Variants in SORCS2 observed in about 807,000 individuals in gnomAD.
SORCS2 encodes VPS10 domain-containing receptor SorCS2.
SORCS2 carries 100 observed loss-of-function variants against 141.6 expected under a neutral mutation model. That is an observed-to-expected ratio of 0.71 (90% CI 0.60 to 0.83). The LOEUF is 0.83. Ranked by LOEUF, SORCS2 falls within the 40% of genes least tolerant of loss-of-function variation. SORCS2 has a pLI of 0.00. For synonymous variants in SORCS2, 789 were observed against 676.9 expected, an observed-to-expected ratio of 1.17 and a Z score of -2.57; for missense variants, 1,646 against 1,560.2, an observed-to-expected ratio of 1.05 and a Z score of -0.93.
intron 1 of SORCS2, among the ~76,000 whole-genome samples, chr4:7,341,364 G>C (rs13126193): frequency 0.14 from 21,181 of 152,258 alleles, 1,968 homozygotes; most frequent in East Asian, 0.42. Context: ...AGCCTTCCTA[G>C]TCCTGCAAAT....
At chr4:7,269,529 G>A (rs139615257) in intron 1 of SORCS2, among the ~76,000 whole-genome samples, 4 of 152,358 alleles carry the variant, frequency 2.6e-5, no homozygotes, top group African/African-American at 9.6e-5. Context: ...TAAATCCAAT[G>A]GCTTGAGCCT....
At chr4:7,601,975 A>AC (rs1717723030) in intron 3 of SORCS2, among the ~76,000 whole-genome samples, 1 of 152,210 alleles carries the variant, frequency 6.6e-6, no homozygotes, top group Admixed American at 6.5e-5. Flanking sequence ...TTCAGAGAGC[A>AC]CGGGGTTGGG....
chr4:7,701,992 ACATGGCACGAAGTTGCTG>A (rs11274134), intron 12 of SORCS2, among the ~76,000 whole-genome samples: 43,563 of 152,022 alleles, frequency 0.29, 6,358 homozygotes, highest in South Asian at 0.41. Flanking sequence ...ATCCCGCCCC[ACATGGCACGAAGTTGCTG>A]CATGCTTGTT....
chr4:7,454,295 T>C (rs1728709805), intron 2 of SORCS2, among the ~76,000 whole-genome samples: 1 of 116,620 alleles, frequency 8.6e-6, no homozygotes, highest in South Asian at 3.3e-4. Flanking sequence ...GGTCAGGCGC[T>C]GTGTTGGGGT....
intron 1 of SORCS2, among the ~76,000 whole-genome samples, chr4:7,336,418 C>T (rs187635089): frequency 1.3e-5 from 2 of 151,714 alleles, no homozygotes; most frequent in Admixed American, 6.6e-5. Flanking sequence ...GAGATCAATG[C>T]GAACAGATGG....
At chr4:7,696,137 G>A (rs546346172) in intron 11 of SORCS2, among the ~76,000 whole-genome samples, 3 of 152,300 alleles carry the variant, frequency 2.0e-5, no homozygotes, top group Non-Finnish European at 4.4e-5. Flanking sequence ...ATTTTCCAGT[G>A]ACTTCTAAAC....
chr4:7,416,232 G>A (rs80104621), intron 2 of SORCS2, among the ~76,000 whole-genome samples: 2 of 152,152 alleles, frequency 1.3e-5, no homozygotes, highest in East Asian at 1.9e-4. Flanking sequence ...TGGCTGCAGC[G>A]TTCGTAGGGG....
At chr4:7,615,743 G>C (rs1168595128) in intron 3 of SORCS2, among the ~76,000 whole-genome samples, 1 of 150,702 alleles carries the variant, frequency 6.6e-6, no homozygotes, top group East Asian at 1.9e-4. Context: ...GCAGACCTGA[G>C]CTTCCCTCTT....
intron 1 of SORCS2, among the ~76,000 whole-genome samples, chr4:7,294,407 T>A (rs79178630): frequency 6.6e-6 from 1 of 151,972 alleles, no homozygotes; most frequent in African/African-American, 2.4e-5. Context: ...CAGGAGGCTG[T>A]GTCTCCCCGC....
intron 4 of SORCS2, among the ~76,000 whole-genome samples, chr4:7,651,376 G>C (rs577901331): frequency 6.6e-6 from 1 of 152,322 alleles, no homozygotes; most frequent in African/African-American, 2.4e-5. Flanking sequence ...TCCAGGTGAG[G>C]ATGGGAGCCC....
Position 7,639,741 on chromosome 4 carries a change from CTG to C in SORCS2, c.813+1252_813+1253del, listed in dbSNP as rs371766910. The stretch of plus-strand genomic sequence containing the variant: ...CCTGTGAGTGGGTGTGGGTGTGAGA[CTG>C]TGAATGTATGAGTGTATGTGGGTGT... On this transcript the variant is annotated intron_variant, in intron 4 of 26. Coordinates refer to ENST00000507866, the MANE Select transcript of SORCS2 (RefSeq NM_020777.3). Among the ~76,000 whole-genome samples the C allele has an allele frequency of 3.3e-3, 456 of 139,372 alleles. 3 individuals carry two copies. The highest frequency in any genetic ancestry group is 0.01 in the African/African-American group (388 of 36,956). 91.4% of individuals were successfully genotyped at this position (139,372 alleles called of 152,430 possible).
chr4:7,724,148 G>GTGA (rs1447128650), intron 19 of SORCS2, among the ~76,000 whole-genome samples: 34 of 81,132 alleles, frequency 4.2e-4, no homozygotes, highest in African/African-American at 1.2e-3. Context: ...GGTGATGGTC[G>GTGA]TGGTGGTGGT....
chr4:7,376,313 A>T (rs1042000202), intron 1 of SORCS2, among the ~76,000 whole-genome samples: 3 of 151,802 alleles, frequency 2.0e-5, no homozygotes, highest in African/African-American at 7.3e-5. Flanking sequence ...ACGGTGGCTC[A>T]TGCCTGTAAT....
At chr4:7,540,188 GCCCC>G (rs1560369541) in intron 3 of SORCS2, among the ~76,000 whole-genome samples, 3 of 78,044 alleles carry the variant, frequency 3.8e-5, no homozygotes, top group South Asian at 1.2e-3. Flanking sequence ...GCCCCTCCCT[GCCCC>G]TCCCTGCCCC....
intron 1 of SORCS2, among the ~76,000 whole-genome samples, chr4:7,338,476 C>T (rs1031309176): frequency 5.9e-5 from 9 of 151,958 alleles, no homozygotes; most frequent in Admixed American, 5.2e-4. Context: ...TACCCACCGC[C>T]GAACAGAGCC....
chr4:7,231,886 C>T (rs550798142), intron 1 of SORCS2, among the ~76,000 whole-genome samples: 45 of 152,206 alleles, frequency 3.0e-4, no homozygotes, highest in Non-Finnish European at 5.6e-4. Flanking sequence ...GGGAGAGACC[C>T]AGGCTCTCGG....
Position 7,366,048 on chromosome 4 carries a change from C to T in SORCS2, c.481-30240C>T, listed in dbSNP as rs546375524. Among the ~76,000 whole-genome samples, 11 of 152,230 alleles carry T rather than the reference C, an allele frequency of 7.2e-5. No homozygotes were observed. In the East Asian group the frequency reaches 2.1e-3, roughly 30 times the overall value. The stretch of plus-strand genomic sequence containing the variant: ...TTTTATTTGTCACAGTGACATCCGT[C>T]AGCGCAGGCACCTCAGTTCTGTGCC... On this transcript the variant is annotated intron_variant, in intron 1 of 26. Transcript: ENST00000507866.
chr4:7,442,825 G>A (rs367629811), intron 2 of SORCS2, among the ~76,000 whole-genome samples: 137 of 152,000 alleles, frequency 9.0e-4, no homozygotes, highest in African/African-American at 3.2e-3. Context: ...TACCACAGAC[G>A]GGGTGGCCGA....
chr4:7,658,229 G>A (rs56064193), intron 5 of SORCS2, among the ~76,000 whole-genome samples: 1 of 150,286 alleles, frequency 6.7e-6, no homozygotes, highest in African/African-American at 2.4e-5. Context: ...CTGAGTAAGT[G>A]AATGAGTGAC....
Sources: allele counts gnomAD v4.1 joint callset (sites outside exome capture counted in the v4.1 genomes callset), GRCh38; gene constraint gnomAD v4.1.1; transcripts MANE v1.5; gene names NCBI Gene and HGNC (gene_info 2026-07-23, HGNC 2026-07-21).